PRKD1: variants seen among roughly 807,000 people sequenced by gnomAD.
PRKD1 encodes the protein serine/threonine-protein kinase D1.
A neutral mutation model predicts 95.9 loss-of-function variants in PRKD1; 63 were observed. The ratio of observed to expected loss-of-function variants is 0.66; its 90% CI spans 0.54 to 0.81. The LOEUF (loss-of-function observed/expected upper bound fraction) is 0.81. Among genes scored for constraint, PRKD1 ranks in the 30% least tolerant of loss-of-function variants. The probability of loss-of-function intolerance (pLI) is 0.00; values close to 1 mark genes in which losing one functional copy is unlikely to be tolerated. For synonymous variants in PRKD1, 425 were observed against 423.1 expected (o/e 1.00, Z -0.05); for missense variants, 1,048 against 1,165.3 (o/e 0.90, Z 1.47).
chr14:29,689,116 G>T (rs185011969), intron 2 of PRKD1, among the ~76,000 whole-genome samples: 7 of 151,854 alleles, frequency 4.6e-5, no homozygotes, highest in Admixed American at 3.3e-4. Flanking sequence ...TGACAAATAG[G>T]ATCTAATCAA....
intron 4 of PRKD1, among the ~76,000 whole-genome samples, chr14:29,639,933 T>C (rs1004573803): frequency 4.6e-5 from 7 of 152,210 alleles, no homozygotes; most frequent in Non-Finnish European, 8.8e-5. Context: ...TTCTATGTTT[T>C]TGGATAATTT....
chr14:29,835,727 C>T (rs1891587801), intron 1 of PRKD1, among the ~76,000 whole-genome samples: 1 of 152,086 alleles, frequency 6.6e-6, no homozygotes, highest in African/African-American at 2.4e-5. Flanking sequence ...CACGCCACCA[C>T]ACCCAGCTAA....
chr14:29,776,384 C>T (rs1466985723), intron 1 of PRKD1, among the ~76,000 whole-genome samples: 1 of 152,060 alleles, frequency 6.6e-6, no homozygotes, highest in Non-Finnish European at 1.5e-5. Context: ...CACAAAGAAG[C>T]TAAAAACCTT....
intron 1 of PRKD1, among the ~76,000 whole-genome samples, chr14:29,745,055 G>C (rs1289084337): frequency 6.6e-6 from 1 of 151,938 alleles, no homozygotes; most frequent in African/African-American, 2.4e-5. Flanking sequence ...TGTGCTTGTG[G>C]CTCCTCCACC....
intron 1 of PRKD1, among the ~76,000 whole-genome samples, chr14:29,807,398 T>A (rs989461219): frequency 5.3e-5 from 8 of 151,452 alleles, no homozygotes; most frequent in Admixed American, 3.3e-4. Context: ...TCCTCTTTTT[T>A]TAAAAAAAAA....
intron 4 of PRKD1, among the ~76,000 whole-genome samples, chr14:29,647,564 G>A (rs1056531461): frequency 2.0e-5 from 3 of 152,180 alleles, no homozygotes; most frequent in Non-Finnish European, 2.9e-5. Context: ...GAATAGACTA[G>A]GACCTGGCCT....
intron 1 of PRKD1, among the ~76,000 whole-genome samples, chr14:29,752,147 CCT>C (rs1465808061): frequency 2.0e-5 from 3 of 152,026 alleles, no homozygotes; most frequent in Non-Finnish European, 4.4e-5. Context: ...AAAAAAGTTC[CCT>C]GAGATATATT....
At chr14:29,604,516 G>C (rs1328966896) in intron 13 of PRKD1, among the ~76,000 whole-genome samples, 1 of 152,184 alleles carries the variant, frequency 6.6e-6, no homozygotes, top group East Asian at 1.9e-4. Flanking sequence ...ATGCAGATCA[G>C]AAGGAAGAAT....
chr14:29,780,824 A>G (rs968483602), intron 1 of PRKD1, among the ~76,000 whole-genome samples: 5 of 152,184 alleles, frequency 3.3e-5, no homozygotes, highest in African/African-American at 1.2e-4. Flanking sequence ...ATGCTGCTAT[A>G]AAGACACATG....
At chr14:29,643,832 T>C (rs1880956723) in intron 4 of PRKD1, among the ~76,000 whole-genome samples, 1 of 152,180 alleles carries the variant, frequency 6.6e-6, no homozygotes, top group African/African-American at 2.4e-5. Context: ...AAAAAATGGC[T>C]CAAATGAAAA....
At chr14:29,747,733 T>C (rs973407734) in intron 1 of PRKD1, among the ~76,000 whole-genome samples, 1 of 152,150 alleles carries the variant, frequency 6.6e-6, no homozygotes, top group South Asian at 2.1e-4. Context: ...TTTCCTTTTT[T>C]TACTTTATTA....
At chr14:29,862,612 A>G (rs1189110919) in intron 1 of PRKD1, among the ~76,000 whole-genome samples, 1 of 152,198 alleles carries the variant, frequency 6.6e-6, no homozygotes, top group African/African-American at 2.4e-5. Flanking sequence ...CATTTCTCTG[A>G]TGATCAATGA....
At chr14:29,682,058 C>T (rs184442131) in intron 2 of PRKD1, among the ~76,000 whole-genome samples, 257 of 152,286 alleles carry the variant, frequency 1.7e-3, no homozygotes, top group Admixed American at 4.3e-3. Context: ...AAAGTGAGAA[C>T]TAGAAAAATG....
intron 1 of PRKD1, among the ~76,000 whole-genome samples, chr14:29,773,422 T>C (rs1446373324): frequency 7.1e-6 from 1 of 140,066 alleles, no homozygotes; most frequent in Non-Finnish European, 1.5e-5. Flanking sequence ...ATTGTGCCAA[T>C]GCACTCCAGC....
intron 4 of PRKD1, among the ~76,000 whole-genome samples, chr14:29,644,588 GA>G (rs376892898): frequency 0.032 from 4,560 of 144,520 alleles, 219 homozygotes; most frequent in African/African-American, 0.11. Context: ...GTCAGCAACT[GA>G]AAAAAAAAAA....
chr14:29,746,216 G>C (rs1348035158), intron 1 of PRKD1, among the ~76,000 whole-genome samples: 1 of 152,034 alleles, frequency 6.6e-6, no homozygotes, highest in Non-Finnish European at 1.5e-5. Context: ...AGAGTATCTT[G>C]ACCTTACCCC....
intron 2 of PRKD1, among the ~76,000 whole-genome samples, chr14:29,704,930 G>A (rs745908602): frequency 6.6e-6 from 1 of 152,026 alleles, no homozygotes; most frequent in Non-Finnish European, 1.5e-5. Flanking sequence ...TTCGGTCCAT[G>A]TGATATTTGT....
At chr14:29,728,893 T>A (rs560871512) in intron 1 of PRKD1, among the ~76,000 whole-genome samples, 1 of 152,146 alleles carries the variant, frequency 6.6e-6, no homozygotes, top group South Asian at 2.1e-4. Flanking sequence ...TGTAGCTTTA[T>A]CCTAAGCCTG....
At chr14:29,578,767 G>A (rs1892657150) in intron 16 of PRKD1, among the ~76,000 whole-genome samples, 1 of 151,956 alleles carries the variant, frequency 6.6e-6, no homozygotes, top group African/African-American at 2.4e-5. Flanking sequence ...TATAAAACAT[G>A]CTGAACGTTT....
Sources: allele counts gnomAD v4.1 joint callset (sites outside exome capture counted in the v4.1 genomes callset), GRCh38; gene constraint gnomAD v4.1.1; transcripts MANE v1.5; gene names NCBI Gene and HGNC (gene_info 2026-07-23, HGNC 2026-07-21).